The following GPN1 variants were observed in gnomAD, a reference collection of about 807,000 sequenced individuals.
GPN1 encodes the protein ATP(GTP)-binding protein.
GPN1 carries 44 observed loss-of-function variants against 55.9 expected under a neutral mutation model. The ratio of observed to expected loss-of-function variants is 0.79; its 90% CI spans 0.62 to 1.01. The LOEUF (loss-of-function observed/expected upper bound fraction) is 1.01, where lower values mean the gene tolerates loss of function less well. Among genes scored for constraint, GPN1 ranks in the 50% least tolerant of loss-of-function variants. The pLI is 0.00. For synonymous variants in GPN1, 179 were observed against 162.5 expected, an observed-to-expected ratio of 1.10 and a Z score of -0.77; for missense variants, 466 against 462.8, an observed-to-expected ratio of 1.01 and a Z score of -0.06.
intron 12 of GPN1, among the ~76,000 whole-genome samples, chr2:27,647,420 C>G (rs2148089538): frequency 6.6e-6 from 1 of 152,288 alleles, no homozygotes; most frequent in East Asian, 1.9e-4. Flanking sequence ...CAGACCTTCT[C>G]TGAACTTACA....
Position 27,629,181 on chromosome 2 carries a change from A to C in GPN1, c.111+12A>C, listed in dbSNP as rs762351637. Reference sequence around the variant, plus strand: ...CCACTTTTGTACAGGTGACGTACACAGCATGGGTGTAGTAGGGGAGCGCAA... The same window carrying C: ...CCACTTTTGTACAGGTGACGTACACCGCATGGGTGTAGTAGGGGAGCGCAA... On this transcript the variant is annotated intron_variant, in intron 1 of 13. Coordinates refer to ENST00000610189, the MANE Select transcript of GPN1 (RefSeq NM_007266.4). 6.2e-7 allele frequency: 1 copy of C among 1,613,896 alleles called. No homozygotes were observed. Among genetic ancestry groups the C allele is most frequent in the Non-Finnish European group, 8.5e-7 (1 of 1,179,824 alleles).
At chr2:27,634,953 G>A (rs1241541779) in intron 6 of GPN1, 29 bp downstream of exon 6, 2 of 1,287,028 alleles carry the variant, frequency 1.6e-6, no homozygotes, top group South Asian at 2.4e-5. Flanking sequence ...GCTACTGAGA[G>A]TAGCTAGAGG....
At chr2:27,642,992 C>CACACACACAT (rs1674033909) in intron 12 of GPN1, among the ~76,000 whole-genome samples, 1 of 150,616 alleles carries the variant, frequency 6.6e-6, no homozygotes, top group Non-Finnish European at 1.5e-5. Context: ...CACACACACA[C>CACACACACAT]ACATACATAT....
Position 27,651,214 on chromosome 2 carries a change from A to G in GPN1, c.*1014A>G, listed in dbSNP as rs1203665280. The stretch of plus-strand genomic sequence containing the variant: ...TTTTATCTCTATGAGTCAGTACTCC[A>G]ACTTAGTGGTTCTCACATTGTGGAC... On this transcript the variant is annotated 3_prime_UTR_variant, in exon 14 of 14. Transcript: ENST00000610189. The G allele has an allele frequency of 1.3e-5, 2 of 152,292 alleles. No homozygotes were observed. Among genetic ancestry groups the G allele is most frequent in the Non-Finnish European group, 2.9e-5 (2 of 68,048 alleles). 9.4% of individuals were successfully genotyped at this position (152,292 alleles called of 1,614,324 possible). A position where few individuals can be genotyped will look rare whatever the true frequency, so the allele number is the denominator to read the frequency against.
chr2:27,628,247 A>G, upstream of GPN1: 9 of 786,378 alleles, frequency 1.1e-5, no homozygotes, highest in Non-Finnish European at 1.8e-5. Flanking sequence ...CTTACTGAAC[A>G]CTGTTTGCAG....
chr2:27,641,718 C>T (rs1298495859), intron 11 of GPN1, among the ~76,000 whole-genome samples: 3 of 152,070 alleles, frequency 2.0e-5, no homozygotes, highest in African/African-American at 4.8e-5. Context: ...CTCAGCCACC[C>T]GAGTAGCTAG....
chr2:27,628,983 C>A, upstream of GPN1: 1 of 1,588,492 alleles, frequency 6.3e-7, no homozygotes, highest in Non-Finnish European at 8.6e-7. Context: ...GGTTTTCGTT[C>A]GCAGCCCAGA....
At chr2:27,647,761 T>A in intron 12 of GPN1, 75 bp from the exon 13 acceptor site, 3 of 842,558 alleles carry the variant, frequency 3.6e-6, no homozygotes, top group Non-Finnish European at 4.0e-6. Context: ...CCTGCCAGTT[T>A]ATGATCATAG....
At chr2:27,628,722 C>T (rs2148058516), upstream of GPN1, 3 of 1,551,276 alleles carry the variant, frequency 1.9e-6, no homozygotes, top group Non-Finnish European at 2.6e-6. Flanking sequence ...CAGGCATGCT[C>T]CTCGTTTTCT....
intron 2 of GPN1, among the ~76,000 whole-genome samples, chr2:27,630,488 C>G (rs1673502630): frequency 6.9e-6 from 1 of 145,456 alleles, no homozygotes; most frequent in Admixed American, 7.2e-5. Flanking sequence ...ATCCCAGGCT[C>G]AAGTGATCCT....
chr2:27,642,576 A>T lies in GPN1; in HGVS notation c.931+57A>T. 4.1e-6 allele frequency: 4 copies of T among 980,348 alleles called. No individual in the cohort carries two copies. The Admixed American group carries it at 8.2e-5, about 20-fold the overall frequency. The allele number at this position is 980,348 out of a possible 1,614,324, so 60.7% of individuals were successfully genotyped here. On this transcript the variant is annotated intron_variant, in intron 12 of 13. Transcript: ENST00000610189. ...AAAAAAGGTTACACTTCTTTCTTTT[A>T]TTTATTTATTTATTTTTGAGACGGA...
rs1442086761 is a variant in GPN1 at position 27,650,333 on chromosome 2, TTA to T, written c.*134_*135del. ...CCTCAGAGTAGCAAAGTTTCTCTTA[TTA>T]GAGAAATCTTGTGACTCAGATGAAG... On this transcript the variant is annotated 3_prime_UTR_variant, in exon 14 of 14. Coordinates refer to ENST00000610189, the MANE Select transcript of GPN1 (RefSeq NM_007266.4). The T allele has an allele frequency of 3.7e-6, 2 of 541,228 alleles. No individual in the cohort carries two copies. The highest frequency in any genetic ancestry group is 6.7e-6 in the Non-Finnish European group (2 of 300,578). The allele number at this position is 541,228 out of a possible 1,614,324, so 33.5% of individuals were successfully genotyped here.
At position 27,650,317 on chromosome 2, in the gene GPN1, A is replaced by G; in HGVS notation, c.*117A>G. On this transcript the variant is annotated 3_prime_UTR_variant, in exon 14 of 14. Transcript: ENST00000610189. ...CATAAGGGATAATTTTCCTCAGAGT[A>G]GCAAAGTTTCTCTTATTAGAGAAAT... is the stretch of plus-strand genomic sequence containing the variant. The G allele has an allele frequency of 3.5e-6, 2 of 577,502 alleles. No homozygotes were observed. The highest frequency in any genetic ancestry group is 6.2e-6 in the Non-Finnish European group (2 of 322,314). The allele number at this position is 577,502 out of a possible 1,614,324, so 35.8% of individuals were successfully genotyped here.
At chr2:27,632,742 G>A (rs1007292754) in intron 5 of GPN1, 72 bp downstream of exon 5, 1 of 980,460 alleles carries the variant, frequency 1.0e-6, no homozygotes, top group Non-Finnish European at 1.6e-6. Flanking sequence ...GAGGATCTGG[G>A]ATACCATCAG....
chr2:27,641,459 A>G (rs1443714665), intron 11 of GPN1, among the ~76,000 whole-genome samples, 180 bp downstream of exon 11: 1 of 152,140 alleles, frequency 6.6e-6, no homozygotes, highest in Non-Finnish European at 1.5e-5. Flanking sequence ...TCTTCTAAAT[A>G]CTTGTTAATT....
At chr2:27,628,966 C>A, upstream of GPN1, 1 of 1,579,170 alleles carries the variant, frequency 6.3e-7, no homozygotes, top group Non-Finnish European at 8.6e-7. Flanking sequence ...CTTTCTGACG[C>A]TGTGGTGGTT....
intron 7 of GPN1, among the ~76,000 whole-genome samples, chr2:27,635,670 T>C (rs950736190): frequency 2.0e-5 from 3 of 152,000 alleles, no homozygotes; most frequent in African/African-American, 4.8e-5. Flanking sequence ...GTTTTAAAAT[T>C]AGCCAGCGTG....
In GPN1 at chr2:27,629,101, G is replaced by T; in HGVS notation, c.43G>T (p.Gly15Cys). 1.2e-6 allele frequency: 2 copies of T among 1,614,250 alleles called. No individual in the cohort carries two copies. The highest frequency in any genetic ancestry group is 1.7e-6 in the Non-Finnish European group (2 of 1,180,042). Residue 15 changes from glycine to cysteine, a missense_variant, in exon 1 of 14, where the codon GGT (glycine) becomes TGT (cysteine). Gly to Cys is a radical substitution (Grantham distance 159). Transcript: ENST00000610189. ...TGCCGCTGAGCTCCAGGCTTCTGGG[G>T]GTCCGCGGCACCCAGTGTGTCTGTT... ...AAAAELQASGGPRHPVCLLVL... is the reference protein window; with the variant it reads ...AAAAELQASGCPRHPVCLLVL...
chr2:27,634,818 A>C (rs754383352), intron 5 of GPN1, 28 bp from the exon 6 acceptor site: 13 of 1,237,990 alleles, frequency 1.1e-5, no homozygotes, highest in Non-Finnish European at 1.6e-5. Flanking sequence ...CAAATGTAAC[A>C]CTTCTTTAAT....
Sources: allele counts gnomAD v4.1 joint callset (sites outside exome capture counted in the v4.1 genomes callset), GRCh38; gene constraint gnomAD v4.1.1; transcripts MANE v1.5; gene names NCBI Gene and HGNC (gene_info 2026-07-23, HGNC 2026-07-21).